The following TACC1 variants were observed in gnomAD, a reference collection of about 807,000 sequenced individuals.
The protein encoded by TACC1 is transforming acidic coiled-coil containing protein 1, also known as transforming acidic coiled-coil-containing protein 1.
A neutral mutation model predicts 84.4 loss-of-function variants in TACC1; 48 were observed. The observed-to-expected ratio is 0.57, with a 90% confidence interval of 0.45 to 0.72. TACC1 has a LOEUF of 0.72. Among genes scored for constraint, TACC1 ranks in the 30% least tolerant of loss-of-function variants. The pLI is 0.00. For missense variants in TACC1, 920 were observed against 973.0 expected, an observed-to-expected ratio of 0.95 and a Z score of 0.72; for synonymous variants, 372 against 376.3, an observed-to-expected ratio of 0.99 and a Z score of 0.13.
chr8:38,818,491 A>G (rs1427129143), intron 2 of TACC1, among the ~76,000 whole-genome samples: 1 of 152,230 alleles, frequency 6.6e-6, no homozygotes, highest in East Asian at 1.9e-4. Flanking sequence ...TAAGACCACA[A>G]TTAAAAAGGA....
intron 1 of TACC1, among the ~76,000 whole-genome samples, chr8:38,735,156 T>C (rs1363470506): frequency 6.6e-6 from 1 of 152,218 alleles, no homozygotes; most frequent in African/African-American, 2.4e-5. Context: ...GATCTGCTTT[T>C]AGAATCATGA....
At chr8:38,808,520 C>G (rs1368428538) in intron 2 of TACC1, among the ~76,000 whole-genome samples, 1 of 152,240 alleles carries the variant, frequency 6.6e-6, no homozygotes, top group Non-Finnish European at 1.5e-5. Context: ...TCAAGTGGTC[C>G]TCCCATCTCA....
chr8:38,764,960 A>G (rs1045732502), intron 3 of TACC1, among the ~76,000 whole-genome samples: 1 of 152,122 alleles, frequency 6.6e-6, no homozygotes, highest in Non-Finnish European at 1.5e-5. Flanking sequence ...TTAGCCAGGC[A>G]TGGTGGCAGG....
At chr8:38,804,096 G>C (rs1822075826) in intron 2 of TACC1, among the ~76,000 whole-genome samples, 2 of 152,082 alleles carry the variant, frequency 1.3e-5, no homozygotes, top group Non-Finnish European at 1.5e-5. Context: ...AAGCCCTACT[G>C]TGCCTTTTAC....
intron 2 of TACC1, among the ~76,000 whole-genome samples, chr8:38,805,228 GC>G (rs1822392271): frequency 6.6e-6 from 1 of 152,174 alleles, no homozygotes; most frequent in Admixed American, 6.6e-5. Context: ...TGAATTATCT[GC>G]ATTCCCACCT....
chr8:38,739,214 T>A (rs1404728558), intron 1 of TACC1, among the ~76,000 whole-genome samples: 1 of 152,340 alleles, frequency 6.6e-6, no homozygotes, highest in Non-Finnish European at 1.5e-5. Flanking sequence ...TCTGTATCTA[T>A]ATTAAGCTAA....
exon 3 of TACC1, chr8:38,744,975 T>C (rs1807791077): frequency 6.5e-6 from 1 of 152,932 alleles, no homozygotes; most frequent in African/African-American, 2.4e-5. Flanking sequence ...GGATCGCCTC[T>C]GCTGTTGCAT....
At chr8:38,830,079 C>T (rs1465946476) in intron 5 of TACC1, among the ~76,000 whole-genome samples, 2 of 152,116 alleles carry the variant, frequency 1.3e-5, no homozygotes, top group East Asian at 1.9e-4. Context: ...TGGGCTTGAT[C>T]CTATAGGTAG....
chr8:38,826,575 T>C (rs1344221810), intron 4 of TACC1, among the ~76,000 whole-genome samples: 12 of 152,172 alleles, frequency 7.9e-5, no homozygotes. Flanking sequence ...TAAAAAGACT[T>C]TCAACCATGC....
At chr8:38,754,003 G>A (rs1174889086) in intron 3 of TACC1, among the ~76,000 whole-genome samples, 4 of 149,000 alleles carry the variant, frequency 2.7e-5, no homozygotes, top group Non-Finnish European at 5.9e-5. Context: ...GCCCAGGCTG[G>A]AGTGCAGTGG....
At chr8:38,752,053 C>T (rs1809139098) in intron 3 of TACC1, among the ~76,000 whole-genome samples, 1 of 152,218 alleles carries the variant, frequency 6.6e-6, no homozygotes, top group South Asian at 2.1e-4. Flanking sequence ...CATCCCTCTG[C>T]AGAGCATAAG....
intron 3 of TACC1, among the ~76,000 whole-genome samples, chr8:38,758,658 G>C (rs947356319): frequency 3.4e-5 from 4 of 117,574 alleles, no homozygotes; most frequent in Non-Finnish European, 6.5e-5. Context: ...CAGCCTGGGC[G>C]ACAGAGGGAG....
At chr8:38,749,605 T>G (rs1384766095) in intron 3 of TACC1, among the ~76,000 whole-genome samples, 1 of 152,124 alleles carries the variant, frequency 6.6e-6, no homozygotes, top group Non-Finnish European at 1.5e-5. Context: ...TTTTGGGTTT[T>G]TTTTGAGATG....
chr8:38,795,473 G>A lies in TACC1; in HGVS notation c.277+6654G>A, dbSNP rs1819756166. On this transcript the variant is annotated intron_variant, in intron 2 of 12. Transcript: ENST00000317827. Reference sequence around the variant, plus strand: ...TACCTGTGTATGTGTTTTGGGAGCCGGCAGTCCTTCTAAAATTATATTGCT... The same window carrying A: ...TACCTGTGTATGTGTTTTGGGAGCCAGCAGTCCTTCTAAAATTATATTGCT... Among the ~76,000 whole-genome samples the A allele has an allele frequency of 2.0e-5, 3 of 152,172 alleles. No individual in the cohort carries two copies. The South Asian group carries it at 6.2e-4, about 31-fold the overall frequency.
At chr8:38,794,571 TG>T (rs1819539026) in intron 2 of TACC1, among the ~76,000 whole-genome samples, 1 of 152,198 alleles carries the variant, frequency 6.6e-6, no homozygotes, top group Non-Finnish European at 1.5e-5. Flanking sequence ...TTTGTGTGTG[TG>T]TGTGTGTGCG....
exon 2 of TACC1, chr8:38,742,438 A>T (rs1013076993): frequency 6.5e-7 from 1 of 1,530,402 alleles, no homozygotes; most frequent in Admixed American, 2.0e-5. Flanking sequence ...AAATGCAAAG[A>T]CAAACCATCA....
At chr8:38,785,826 C>T, upstream of TACC1, 1 of 542,554 alleles carries the variant, frequency 1.8e-6, no homozygotes, top group Non-Finnish European at 2.4e-6. Flanking sequence ...TTTATAGTCG[C>T]TAGAACACTC....
chr8:38,784,479 A>T (rs1816727844), upstream of TACC1, among the ~76,000 whole-genome samples: 1 of 152,010 alleles, frequency 6.6e-6, no homozygotes, highest in South Asian at 2.1e-4. Context: ...AGGCAGGGAG[A>T]ATCGCTTGAA....
chr8:38,788,614 T>C, intron 1 of TACC1, 90 bp from the exon 2 acceptor site: 1 of 1,043,666 alleles, frequency 9.6e-7, no homozygotes, highest in South Asian at 1.5e-5. Flanking sequence ...ACAAAAGTGC[T>C]GGACTTTTAG....
Sources: gnomAD v4.1 joint callset for allele counts (sites outside exome capture counted in the v4.1 genomes callset) on GRCh38, gnomAD v4.1.1 for gene constraint, MANE v1.5 for transcripts, NCBI Gene and HGNC (gene_info 2026-07-23, HGNC 2026-07-21) for gene names.